CFAP54: variants seen among roughly 807,000 people sequenced by gnomAD.
The protein encoded by CFAP54 is cilia and flagella associated protein 54.
A neutral mutation model predicts 370.4 loss-of-function variants in CFAP54; 290 were observed. The observed-to-expected ratio is 0.78, with a 90% CI of 0.71 to 0.86. The LOEUF (loss-of-function observed/expected upper bound fraction) is 0.86, where lower values mean the gene tolerates loss of function less well. Among genes scored for constraint, CFAP54 ranks in the 40% least tolerant of loss-of-function variants. CFAP54 has a pLI of 0.00. For synonymous variants in CFAP54, 1,206 were observed against 1,236.5 expected (o/e 0.98, Z 0.52); for missense variants, 3,399 against 3,528.7 (o/e 0.96, Z 0.93).
At chr12:96,641,611 G>A (rs373361059) in intron 32 of CFAP54, among the ~76,000 whole-genome samples, 2,839 of 151,472 alleles carry the variant, frequency 0.019, 99 homozygotes, top group African/African-American at 0.066. Context: ...TCATGCTGCT[G>A]TAAAGACACA....
At chr12:96,650,184 A>C in intron 35 of CFAP54, 112 bp downstream of exon 35, 2 of 928,958 alleles carry the variant, frequency 2.2e-6, no homozygotes, top group South Asian at 1.8e-5. Flanking sequence ...TTTAGTTGTG[A>C]CTTTGAGATC....
intron 17 of CFAP54, among the ~76,000 whole-genome samples, chr12:96,562,837 C>T (rs1955830115): frequency 6.6e-6 from 1 of 152,118 alleles, no homozygotes; most frequent in Non-Finnish European, 1.5e-5. Flanking sequence ...TCAAAAACTA[C>T]TTCTCCTATG....
In CFAP54 at chr12:96,765,065, C is replaced by A; in HGVS notation, c.8140-12C>A. 1 of 1,401,344 alleles carries A rather than the reference C, an allele frequency of 7.1e-7. No individual in the cohort carries two copies. The highest frequency in any genetic ancestry group is 1.4e-5 in the African/African-American group (1 of 70,240). The allele number at this position is 1,401,344 out of a possible 1,614,324, so 86.8% of individuals were successfully genotyped here. On this transcript the variant is annotated splice_polypyrimidine_tract_variant and intron_variant, in intron 59 of 67. Coordinates refer to ENST00000524981, the MANE Select transcript of CFAP54 (RefSeq NM_001306084.2). ...CTTATATTTATAATTCTAATTTATG[C>A]ATTAATTGTAGGTCAGTGAAGCTGT...
intron 19 of CFAP54, among the ~76,000 whole-genome samples, chr12:96,572,354 G>A (rs1305601218): frequency 6.6e-6 from 1 of 151,996 alleles, no homozygotes; most frequent in Admixed American, 6.6e-5. Flanking sequence ...TTAAAGCAGA[G>A]AAGAGGACGT....
At position 96,641,511 on chromosome 12, in the gene CFAP54, T is replaced by A. The variant is rs532443239; in HGVS notation, c.4317-2667T>A. The stretch of plus-strand genomic sequence containing the variant: ...TAAACTAGTTCAACCTTTGTGGAAG[T>A]CAGTGTGGCGATTCCTCAGGGATCT... On this transcript the variant is annotated intron_variant, in intron 32 of 67. Transcript: ENST00000524981. 5.2e-3 allele frequency among the ~76,000 whole-genome samples: 784 copies of A among 149,608 alleles called. 6 individuals are homozygous for A. Among genetic ancestry groups the A allele is most frequent in the African/African-American group, 0.019 (733 of 39,100 alleles).
intron 15 of CFAP54, among the ~76,000 whole-genome samples, chr12:96,549,688 T>C (rs1955675070): frequency 6.6e-6 from 1 of 152,254 alleles, no homozygotes; most frequent in South Asian, 2.1e-4. Flanking sequence ...TGTCCTCATC[T>C]GGAAAATTAT....
Position 96,679,699 on chromosome 12 carries a change from G to A in CFAP54, c.5663G>A (p.Arg1888Lys). 1 of 1,613,556 alleles carries A rather than the reference G, an allele frequency of 6.2e-7. No individual in the cohort carries two copies. The highest frequency in any genetic ancestry group is 2.2e-5 in the East Asian group (1 of 44,846). ...ETLEKSKYHN[R>K]SIRHSRKLLS... ...CTGGAAAAATCCAAATACCATAACA[G>A]ATCAATCCGACACAGCAGAAAGTTG... Residue 1888 changes from arginine to lysine, a missense_variant, in exon 40 of 68, where the codon AGA (arginine) becomes AAA (lysine). Physicochemically the swap from Arg to Lys is conservative, Grantham distance 26 (BLOSUM62 2). Transcript: ENST00000524981.
At chr12:96,781,820 T>C (rs753260819) in intron 60 of CFAP54, among the ~76,000 whole-genome samples, 4 of 152,150 alleles carry the variant, frequency 2.6e-5, no homozygotes, top group East Asian at 1.9e-4. Context: ...ATATATTTTC[T>C]AAAACTGATA....
chr12:96,694,491 A>G (rs1305625383), intron 45 of CFAP54, among the ~76,000 whole-genome samples: 1 of 151,446 alleles, frequency 6.6e-6, no homozygotes, highest in Non-Finnish European at 1.5e-5. Context: ...TATCTTACGC[A>G]CACACACACA....
chr12:96,547,785 C>T (rs1001871284), intron 14 of CFAP54, 117 bp from the exon 15 acceptor site: 5 of 408,698 alleles, frequency 1.2e-5, no homozygotes, highest in Admixed American at 4.4e-5. Flanking sequence ...CTTCTTCTTT[C>T]GTTTCCTCCT....
intron 64 of CFAP54, among the ~76,000 whole-genome samples, chr12:96,815,184 G>A (rs1048508060): frequency 6.6e-6 from 1 of 152,130 alleles, no homozygotes; most frequent in African/African-American, 2.4e-5. Flanking sequence ...GTATAAAAGT[G>A]TTCCTGTTTT....
chr12:96,658,766 G>C (rs1031458794), intron 38 of CFAP54, among the ~76,000 whole-genome samples: 1 of 152,098 alleles, frequency 6.6e-6, no homozygotes, highest in Non-Finnish European at 1.5e-5. Context: ...TCTCTATGAT[G>C]ATGACTTTTA....
At chr12:96,824,211 T>C (rs1021972701) in intron 65 of CFAP54, among the ~76,000 whole-genome samples, 2 of 152,116 alleles carry the variant, frequency 1.3e-5, no homozygotes, top group Admixed American at 6.5e-5. Flanking sequence ...TTCATCTCTG[T>C]GGCAGCAAGG....
At chr12:96,780,052 G>A (rs1459346257) in intron 60 of CFAP54, among the ~76,000 whole-genome samples, 1 of 152,080 alleles carries the variant, frequency 6.6e-6, no homozygotes, top group East Asian at 1.9e-4. Context: ...TTGGCTTAGA[G>A]ATATGGAGGC....
chr12:96,842,258 C>T (rs140478399), intron 66 of CFAP54, among the ~76,000 whole-genome samples: 1 of 152,248 alleles, frequency 6.6e-6, no homozygotes, highest in East Asian at 1.9e-4. Context: ...TAGAGATTCA[C>T]ATGCAGTCAC....
intron 13 of CFAP54, among the ~76,000 whole-genome samples, chr12:96,539,623 C>T (rs1480451426): frequency 4.6e-5 from 7 of 151,516 alleles, no homozygotes; most frequent in Non-Finnish European, 7.4e-5. Context: ...TGCAGTGAGC[C>T]GAGATCACAC....
chr12:96,589,457 G>A lies in CFAP54; in HGVS notation c.3106G>A (p.Ala1036Thr). ...CTATCAAGTTGGTAACTATGAATTGGCTAAGAAAGTTTTCTCACCAGTTTG... is the reference window on the plus strand; with the variant it reads ...CTATCAAGTTGGTAACTATGAATTGACTAAGAAAGTTTTCTCACCAGTTTG... ...VAYQVGNYEL[A>T]KKVFSPVWDY... Residue 1036 changes from alanine to threonine, a missense_variant, in exon 23 of 68, where the codon GCT becomes ACT. Transcript: ENST00000524981. 6.5e-7 allele frequency: 1 copy of A among 1,532,868 alleles called. No individual in the cohort carries two copies. Among genetic ancestry groups the A allele is most frequent in the Admixed American group, 2.0e-5 (1 of 50,944 alleles). The allele number at this position is 1,532,868 out of a possible 1,614,324, so 95.0% of individuals were successfully genotyped here.
chr12:96,590,723 T>A (rs1365221947), intron 23 of CFAP54, among the ~76,000 whole-genome samples: 3 of 152,180 alleles, frequency 2.0e-5, no homozygotes, highest in Non-Finnish European at 2.9e-5. Flanking sequence ...TGACTGGGAT[T>A]TCTGGTGTTA....
chr12:96,646,489 C>T, intron 33 of CFAP54: 1 of 152,320 alleles, frequency 6.6e-6, no homozygotes, highest in East Asian at 1.9e-4. Context: ...AACACTTTTA[C>T]ACGGTTGGTG....
Sources: allele counts gnomAD v4.1 joint callset (sites outside exome capture counted in the v4.1 genomes callset), GRCh38; gene constraint gnomAD v4.1.1; transcripts MANE v1.5; gene names NCBI Gene and HGNC (gene_info 2026-07-23, HGNC 2026-07-21).